ZBTB20: variants seen among roughly 807,000 people sequenced by gnomAD.
ZBTB20 encodes zinc finger and BTB domain-containing protein 20.
In ZBTB20, 9 loss-of-function variants were observed where a neutral mutation model predicts 56.9. The observed-to-expected ratio is 0.16, with a 90% CI of 0.10 to 0.28. ZBTB20 has a LOEUF of 0.28. Among genes scored for constraint, ZBTB20 ranks in the 10% least tolerant of loss-of-function variants. The pLI, the probability that ZBTB20 is intolerant of heterozygous loss-of-function variation, is 1.00. For missense variants in ZBTB20, 655 were observed against 1,003.0 expected (o/e 0.65, Z 4.69); for synonymous variants, 417 against 420.7 (o/e 0.99, Z 0.11).
intron 11 of ZBTB20, 74 bp downstream of exon 11, chr3:114,350,200 C>G: frequency 6.6e-7 from 1 of 1,523,458 alleles, no homozygotes; most frequent in Non-Finnish European, 8.8e-7. Context: ...TTCCCTTCTA[C>G]CTGCTCTCTT....
chr3:114,353,203 A>G (rs1295822969), intron 10 of ZBTB20, among the ~76,000 whole-genome samples: 3 of 152,160 alleles, frequency 2.0e-5, no homozygotes, highest in Non-Finnish European at 2.9e-5. Context: ...TCAAAACCAA[A>G]TGGCCCAAGC....
At chr3:114,537,124 C>A (rs926947067) in intron 6 of ZBTB20, among the ~76,000 whole-genome samples, 1 of 152,078 alleles carries the variant, frequency 6.6e-6, no homozygotes, top group Non-Finnish European at 1.5e-5. Context: ...GCAAAAAACC[C>A]AAAACTGACA....
intron 7 of ZBTB20, among the ~76,000 whole-genome samples, chr3:114,500,065 C>T (rs2043769768): frequency 1.3e-5 from 2 of 152,168 alleles, no homozygotes; most frequent in African/African-American, 2.4e-5. Context: ...ATAATGTAAG[C>T]TATACTTTAA....
At chr3:114,953,227 C>T (rs1407880003) in intron 3 of ZBTB20, among the ~76,000 whole-genome samples, 1 of 148,478 alleles carries the variant, frequency 6.7e-6, no homozygotes, top group African/African-American at 2.4e-5. Context: ...AAAGAAATAT[C>T]GTCAGAAGAA....
At chr3:114,929,219 C>T (rs566570339) in intron 3 of ZBTB20, among the ~76,000 whole-genome samples, 5 of 152,268 alleles carry the variant, frequency 3.3e-5, no homozygotes, top group Non-Finnish European at 5.9e-5. Context: ...TGCAGTGCAT[C>T]AGTGCTATCC....
chr3:114,932,718 G>A lies in ZBTB20; in HGVS notation c.-455-32376C>T, dbSNP rs564052155. ...AACAACCCCATGAAACACTGGTAAGGGAGAAAGGATGGAAGGCAGAAAAGG... is the reference window on the plus strand; with the variant it reads ...AACAACCCCATGAAACACTGGTAAGAGAGAAAGGATGGAAGGCAGAAAAGG... On this transcript the variant is annotated intron_variant, in intron 3 of 11. Transcript: ENST00000675478. Among the ~76,000 whole-genome samples the A allele has an allele frequency of 3.3e-5, 5 of 152,224 alleles. 1 individual carries two copies. In the South Asian group the frequency reaches 1.0e-3, roughly 32 times the overall value.
At chr3:114,433,408 C>T (rs1322380930) in intron 7 of ZBTB20, among the ~76,000 whole-genome samples, 2 of 152,134 alleles carry the variant, frequency 1.3e-5, no homozygotes, top group Admixed American at 6.5e-5. Flanking sequence ...CTACTATGTG[C>T]AAATGTCAAG....
chr3:114,548,828 A>G (rs760990494), intron 6 of ZBTB20, among the ~76,000 whole-genome samples: 3 of 152,256 alleles, frequency 2.0e-5, no homozygotes, highest in Admixed American at 1.3e-4. Flanking sequence ...CTATGACTGG[A>G]CTGTTTCTTA....
At chr3:114,768,683 T>A (rs2068956762) in intron 5 of ZBTB20, among the ~76,000 whole-genome samples, 2 of 152,200 alleles carry the variant, frequency 1.3e-5, no homozygotes, top group Admixed American at 6.5e-5. Flanking sequence ...TAATTCATAA[T>A]CTTCAAATGC....
chr3:114,386,734 C>A (rs143486556), intron 8 of ZBTB20, among the ~76,000 whole-genome samples: 1 of 152,138 alleles, frequency 6.6e-6, no homozygotes, highest in African/African-American at 2.4e-5. Flanking sequence ...CTGGGTCACA[C>A]ATCAGGGCAA....
At chr3:114,341,359 C>G (rs569398130) in intron 11 of ZBTB20, among the ~76,000 whole-genome samples, 64 of 152,078 alleles carry the variant, frequency 4.2e-4, no homozygotes, top group African/African-American at 1.5e-3. Flanking sequence ...GCCTGGAAGT[C>G]AGCTGGTCTT....
At chr3:114,438,008 C>G (rs2090632819) in intron 7 of ZBTB20, among the ~76,000 whole-genome samples, 1 of 152,112 alleles carries the variant, frequency 6.6e-6, no homozygotes, top group South Asian at 2.1e-4. Flanking sequence ...GTACAAAACT[C>G]AGCAAGAAGT....
At chr3:114,590,755 A>G (rs2055678784) in intron 6 of ZBTB20, among the ~76,000 whole-genome samples, 1 of 152,086 alleles carries the variant, frequency 6.6e-6, no homozygotes, top group African/African-American at 2.4e-5. Flanking sequence ...CTGTGGCTTT[A>G]AGAAAAAGAA....
chr3:114,722,495 T>C (rs973776200), intron 5 of ZBTB20, among the ~76,000 whole-genome samples: 3 of 152,178 alleles, frequency 2.0e-5, no homozygotes, highest in Non-Finnish European at 4.4e-5. Context: ...AAGTAAAAAC[T>C]ATAATTTCAA....
chr3:114,631,856 G>A (rs548158321), intron 6 of ZBTB20, among the ~76,000 whole-genome samples: 39 of 152,084 alleles, frequency 2.6e-4, no homozygotes, highest in Non-Finnish European at 4.1e-4. Flanking sequence ...TTACATATGG[G>A]GAGAGAGTAT....
chr3:114,678,259 G>A (rs542327372), intron 6 of ZBTB20, among the ~76,000 whole-genome samples: 11 of 152,152 alleles, frequency 7.2e-5, no homozygotes, highest in African/African-American at 2.7e-4. Flanking sequence ...CTCTCCATTG[G>A]TGCCTTGGCA....
At chr3:114,455,573 C>T (rs1174747144) in intron 7 of ZBTB20, among the ~76,000 whole-genome samples, 1 of 151,956 alleles carries the variant, frequency 6.6e-6, no homozygotes, top group Non-Finnish European at 1.5e-5. Flanking sequence ...CTGCAGAGAA[C>T]AAGACAGGTA....
chr3:114,525,324 C>T, intron 6 of ZBTB20, among the ~76,000 whole-genome samples: 1 of 152,130 alleles, frequency 6.6e-6, no homozygotes, highest in Non-Finnish European at 1.5e-5. Flanking sequence ...TTCTTGGGTT[C>T]ACACAACAGC....
At chr3:114,374,025 G>C (rs1451977285) in intron 10 of ZBTB20, among the ~76,000 whole-genome samples, 3 of 152,066 alleles carry the variant, frequency 2.0e-5, no homozygotes, top group Non-Finnish European at 2.9e-5. Context: ...TAGGAAATTA[G>C]AGCAAATAAA....
Sources: gnomAD v4.1 joint callset for allele counts (sites outside exome capture counted in the v4.1 genomes callset) on GRCh38, gnomAD v4.1.1 for gene constraint, MANE v1.5 for transcripts, NCBI Gene and HGNC (gene_info 2026-07-23, HGNC 2026-07-21) for gene names.